Variants in COL23A1 observed in about 807,000 individuals in gnomAD.
COL23A1 encodes the protein collagen alpha-1(XXIII) chain.
A neutral mutation model predicts 99.3 loss-of-function variants in COL23A1; 97 were observed. That is an observed-to-expected ratio of 0.98 (90% CI 0.83 to 1.16). The LOEUF is 1.16. Ranked by LOEUF, COL23A1 falls within the 50% of genes most tolerant of loss-of-function variation. The probability of loss-of-function intolerance (pLI) is 0.00; values close to 1 mark genes in which losing one functional copy is unlikely to be tolerated. For missense variants in COL23A1, 762 were observed against 757.4 expected (o/e 1.01, Z -0.07); for synonymous variants, 320 against 308.2 (o/e 1.04, Z -0.40).
rs1758829856 is a variant in COL23A1 at position 178,313,755 on chromosome 5, GGT to G, written c.362-6838_362-6837del. Among the ~76,000 whole-genome samples the G allele has an allele frequency of 6.6e-6, 1 of 152,106 alleles. No homozygotes were observed. On this transcript the variant is annotated intron_variant, in intron 2 of 28. Coordinates refer to ENST00000390654, the MANE Select transcript of COL23A1 (RefSeq NM_173465.4). The surrounding 1 kb of genome is among the most constrained non-coding windows in gnomAD (Gnocchi z 4.2). ...TTCCCAGAACTTTGGGAGGAAGTGG[GGT>G]GAGATGGCCTGAATCCTCCCAGACC...
At chr5:178,523,188 AT>A (rs1413182631) in intron 2 of COL23A1, among the ~76,000 whole-genome samples, 4 of 72,666 alleles carry the variant, frequency 5.5e-5, no homozygotes, top group African/African-American at 2.0e-4. Context: ...ACACATATAT[AT>A]ATATATATAT....
intron 3 of COL23A1, among the ~76,000 whole-genome samples, chr5:178,296,472 A>C (rs1254069955): frequency 6.6e-6 from 1 of 152,088 alleles, no homozygotes; most frequent in Non-Finnish European, 1.5e-5. Flanking sequence ...TGAGATACGC[A>C]CTTCACGACC....
intron 1 of COL23A1, among the ~76,000 whole-genome samples, chr5:178,587,992 A>C (rs1000092318): frequency 2.6e-5 from 4 of 151,996 alleles, no homozygotes; most frequent in Admixed American, 6.6e-5. Context: ...GCCAGCTTAC[A>C]CTCCACGCAC....
chr5:178,368,539 A>G (rs1762620113), intron 2 of COL23A1, among the ~76,000 whole-genome samples: 1 of 152,220 alleles, frequency 6.6e-6, no homozygotes, highest in South Asian at 2.1e-4. Context: ...AGCCACCGCT[A>G]TAGTATCACA....
chr5:178,238,737 C>A (rs1420879599), intron 28 of COL23A1, 37 bp from the exon 29 acceptor site: 5 of 1,612,120 alleles, frequency 3.1e-6, no homozygotes, highest in Non-Finnish European at 4.2e-6. Flanking sequence ...TGACGAGGAG[C>A]CCGAGAAGCT....
At chr5:178,262,337 G>A (rs1284671352) in intron 9 of COL23A1, 85 bp from the exon 10 acceptor site, 56 of 1,319,400 alleles carry the variant, frequency 4.2e-5, no homozygotes, top group Non-Finnish European at 5.9e-5. Context: ...CCCCGGGCTG[G>A]GGCTCTAAGT....
intron 2 of COL23A1, among the ~76,000 whole-genome samples, chr5:178,497,094 G>C (rs116935518): frequency 6.6e-6 from 1 of 152,098 alleles, no homozygotes; most frequent in African/African-American, 2.4e-5. Context: ...TGGCTGTCAC[G>C]GTGTTCTGTG....
chr5:178,475,380 ATGAAG>A (rs1309057323), intron 2 of COL23A1, among the ~76,000 whole-genome samples: 1 of 152,120 alleles, frequency 6.6e-6, no homozygotes, highest in African/African-American at 2.4e-5. Context: ...AGAAACCAAA[ATGAAG>A]TGAAGGAATG....
At chr5:178,402,848 T>A (rs928917951) in intron 2 of COL23A1, among the ~76,000 whole-genome samples, 1 of 152,156 alleles carries the variant, frequency 6.6e-6, no homozygotes, top group Non-Finnish European at 1.5e-5. Context: ...TGTATCAATT[T>A]GAAAAATTCA....
intron 2 of COL23A1, among the ~76,000 whole-genome samples, chr5:178,505,859 C>T (rs1475125600): frequency 6.6e-6 from 1 of 152,088 alleles, no homozygotes; most frequent in Non-Finnish European, 1.5e-5. Context: ...AAGTGAAGGA[C>T]CTGTGCCAGA....
At position 178,312,574 on chromosome 5, in the gene COL23A1, C is replaced by T. The variant is rs534638761; in HGVS notation, c.362-5655G>A. Among the ~76,000 whole-genome samples, 7 of 152,054 alleles carry T rather than the reference C, an allele frequency of 4.6e-5. No individual in the cohort carries two copies. The South Asian group carries it at 1.0e-3, about 23-fold the overall frequency. On this transcript the variant is annotated intron_variant, in intron 2 of 28. Transcript: ENST00000390654. Reference sequence around the variant, plus strand: ...ATTTGGCTCTCTAAGTGGCTCCCCCCGCCCAGCCCTCCCGGCACCTCCCTC... The same window carrying T: ...ATTTGGCTCTCTAAGTGGCTCCCCCTGCCCAGCCCTCCCGGCACCTCCCTC...
chr5:178,421,297 T>C (rs1355521251), intron 2 of COL23A1, among the ~76,000 whole-genome samples: 1 of 152,162 alleles, frequency 6.6e-6, no homozygotes, highest in African/African-American at 2.4e-5. Context: ...TGGACTTGGA[T>C]CTGGAAGAAC....
intron 2 of COL23A1, among the ~76,000 whole-genome samples, chr5:178,336,453 G>C (rs983357959): frequency 1.3e-5 from 2 of 152,252 alleles, no homozygotes; most frequent in Non-Finnish European, 2.9e-5. Flanking sequence ...GATAAACCCT[G>C]AAAGCATTGT....
intron 2 of COL23A1, among the ~76,000 whole-genome samples, chr5:178,463,097 AG>A (rs953750666): frequency 5.3e-5 from 8 of 152,184 alleles, no homozygotes; most frequent in Non-Finnish European, 1.2e-4. Context: ...AGCGACACAA[AG>A]GGAACTATTT....
chr5:178,461,839 G>A (rs1360596841), intron 2 of COL23A1, among the ~76,000 whole-genome samples: 1 of 152,230 alleles, frequency 6.6e-6, no homozygotes, highest in African/African-American at 2.4e-5. Flanking sequence ...GACAGCAATG[G>A]CATGTTGGAG....
At chr5:178,486,402 C>T (rs1359871758) in intron 2 of COL23A1, among the ~76,000 whole-genome samples, 1 of 152,136 alleles carries the variant, frequency 6.6e-6, no homozygotes, top group Non-Finnish European at 1.5e-5. Flanking sequence ...AGAGAATACC[C>T]GAGGGTGAAC....
chr5:178,516,670 C>T (rs1759536243), intron 2 of COL23A1, among the ~76,000 whole-genome samples: 1 of 152,196 alleles, frequency 6.6e-6, no homozygotes. Context: ...TATCCACTTG[C>T]CAATTCCTGC....
chr5:178,298,333 G>A (rs1253808703), intron 3 of COL23A1, among the ~76,000 whole-genome samples: 1 of 152,200 alleles, frequency 6.6e-6, no homozygotes, highest in African/African-American at 2.4e-5. Context: ...AAGCAGAGGT[G>A]CGTGGTGATC....
At chr5:178,548,553 C>CTTT (rs3065159) in intron 2 of COL23A1, among the ~76,000 whole-genome samples, 1 of 124,584 alleles carries the variant, frequency 8.0e-6, no homozygotes, top group African/African-American at 2.9e-5. Flanking sequence ...TTTGCCTATT[C>CTTT]TTTTTTTTTT....
Sources: gnomAD v4.1 joint callset for allele counts (sites outside exome capture counted in the v4.1 genomes callset) on GRCh38, gnomAD v4.1.1 for gene constraint, Gnocchi (gnomAD v3.1) non-coding constraint, MANE v1.5 for transcripts, NCBI Gene and HGNC (gene_info 2026-07-23, HGNC 2026-07-21) for gene names.